FSIP2: variants seen among roughly 807,000 people sequenced by gnomAD.
The protein encoded by FSIP2 is fibrous sheath-interacting protein 2.
Under a neutral mutation model 510.5 loss-of-function variants are expected in FSIP2, and 367 were observed. The ratio of observed to expected loss-of-function variants is 0.72; its 90% confidence interval spans 0.66 to 0.78. The LOEUF (loss-of-function observed/expected upper bound fraction) is 0.78. Among genes scored for constraint, FSIP2 ranks in the 30% least tolerant of loss-of-function variants. FSIP2 has a pLI of 0.00. For missense variants in FSIP2, 7,594 were observed against 7,901.7 expected (o/e 0.96, Z 1.48); for synonymous variants, 2,601 against 2,732.2 (o/e 0.95, Z 1.50).
Position 185,796,505 on chromosome 2 carries a change from C to T in FSIP2, c.9369C>T (p.Gly3123=). The T allele has an allele frequency of 3.3e-6, 5 of 1,534,500 alleles. No homozygotes were observed. Among genetic ancestry groups the T allele is most frequent in the Non-Finnish European group, 4.4e-6 (5 of 1,145,748 alleles). ...ACATTGTAGCAAGTGAGATCATTGG[C>T]ACACTAATGGACCAGTGTACTTATT... ...KENIVASEII[G]TLMDQCTYFN... The change falls in exon 16 of 23, where the codon GGC becomes GGT. Residue 3123 remains glycine (G), a synonymous_variant. Transcript: ENST00000424728.
In FSIP2 at chr2:185,803,028, T is replaced by C. The variant is rs992361136; in HGVS notation, c.13722T>C (p.Asp4574=). The change falls in exon 17 of 23, where the codon GAT becomes GAC. Residue 4574 remains aspartate, a synonymous_variant. Transcript: ENST00000424728. ...CAAGCAGTAATGACATTCTTATAGA[T>C]AGAATAGCAGGTTTCATCATTAAAC... ...NITSSNDILI[D]RIAGFIIKHI... is the part of the protein sequence containing the mutation. The C allele has an allele frequency of 2.4e-5, 37 of 1,527,054 alleles. No homozygotes were observed. Among genetic ancestry groups the C allele is most frequent in the Non-Finnish European group, 2.9e-5 (33 of 1,143,112 alleles). 94.6% of individuals were successfully genotyped at this position (1,527,054 alleles called of 1,614,324 possible).
At chr2:185,743,606 G>T (rs1691968980) in intron 3 of FSIP2, among the ~76,000 whole-genome samples, 1 of 151,976 alleles carries the variant, frequency 6.6e-6, no homozygotes, top group South Asian at 2.1e-4. Context: ...TGTCTTTAAT[G>T]GCACTGTATA....
intron 9 of FSIP2, among the ~76,000 whole-genome samples, chr2:185,758,572 G>A (rs1183174135): frequency 6.6e-6 from 1 of 151,174 alleles, no homozygotes; most frequent in African/African-American, 2.4e-5. Flanking sequence ...ATGGATCATC[G>A]TTAAGGTCTT....
rs1343758055 is a variant in FSIP2 at position 185,813,994 on chromosome 2, G to A, written c.20277G>A (p.Thr6759=). The change falls in exon 18 of 23, where the codon ACG becomes ACA. Residue 6759 remains threonine (T), a synonymous_variant. Transcript: ENST00000424728. ...VAELDMATPK[T]MPETASSSWE... ...AGCTTGACATGGCCACACCAAAGAC[G>A]ATGCCTGAAACAGCCTCTTCATCTT... 4.3e-6 allele frequency: 7 copies of A among 1,613,290 alleles called. No homozygotes were observed. The highest frequency in any genetic ancestry group is 1.1e-5 in the South Asian group (1 of 91,028).
In FSIP2 at chr2:185,766,680, A is replaced by G. The variant is rs1409602573; in HGVS notation, c.1411+2115A>G. On this transcript the variant is annotated intron_variant, in intron 13 of 22. Coordinates refer to ENST00000424728, the MANE Select transcript of FSIP2 (RefSeq NM_173651.4). ...AAGTCAGGAAACAACAGGTGCTGGA[A>G]AGGATGTGGAGAAATAGGAACACTT... The G allele has an allele frequency of 2.8e-3, 424 of 150,872 alleles. 4 individuals are homozygous for G. Among genetic ancestry groups the G allele is most frequent in the Non-Finnish European group, 4.2e-3 (282 of 67,618 alleles). The allele number at this position is 150,872 out of a possible 1,614,324, so 9.3% of individuals were successfully genotyped here. A position where few individuals can be genotyped will look rare whatever the true frequency, so the allele number is the denominator to read the frequency against.
chr2:185,791,079 G>A lies in FSIP2; in HGVS notation c.3943G>A (p.Glu1315Lys), dbSNP rs796052180. Residue 1315 changes from glutamate (E) to lysine (K), a missense_variant, in exon 16 of 23, where the codon GAA becomes AAA. By Grantham distance (56) the Glu-to-Lys change is moderately conservative (BLOSUM62 1). Coordinates refer to ENST00000424728, the MANE Select transcript of FSIP2 (RefSeq NM_173651.4). ...CCAGAATGAACTGGAACTTCACAAGGAAAACCTAAATCTTAGGGAGATTGA... is the reference window on the plus strand; with the variant it reads ...CCAGAATGAACTGGAACTTCACAAGAAAAACCTAAATCTTAGGGAGATTGA... ...AIQNELELHKENLNLREIDHT... is the reference protein window; with the variant it reads ...AIQNELELHKKNLNLREIDHT... The A allele has an allele frequency of 1.1e-5, 17 of 1,531,692 alleles. No individual in the cohort carries two copies. The East Asian group carries it at 3.9e-4, about 35-fold the overall frequency. 94.9% of individuals were successfully genotyped at this position (1,531,692 alleles called of 1,614,324 possible). A position where few individuals can be genotyped will look rare whatever the true frequency, so the allele number is the denominator to read the frequency against.
chr2:185,758,938 T>TG (rs2105553105), intron 9 of FSIP2, among the ~76,000 whole-genome samples: 1 of 151,332 alleles, frequency 6.6e-6, no homozygotes, highest in East Asian at 1.9e-4. Flanking sequence ...TTGACTTGGT[T>TG]ATTCTAGAGC....
At chr2:185,827,922 C>T (rs10490393) in intron 20 of FSIP2, among the ~76,000 whole-genome samples, 4,964 of 151,878 alleles carry the variant, frequency 0.033, 290 homozygotes, top group African/African-American at 0.11. Flanking sequence ...TACATTTCAT[C>T]TGTCATAATT....
chr2:185,791,076 A>G lies in FSIP2; in HGVS notation c.3940A>G (p.Lys1314Glu). Residue 1314 changes from lysine (K) to glutamate (E), a missense_variant, in exon 16 of 23, where the codon AAG becomes GAG. By Grantham distance (56) the Lys-to-Glu change is moderately conservative. Coordinates refer to ENST00000424728, the MANE Select transcript of FSIP2 (RefSeq NM_173651.4). ...CAIQNELELH[K>E]ENLNLREIDH... ...TATCCAGAATGAACTGGAACTTCAC[A>G]AGGAAAACCTAAATCTTAGGGAGAT... is the stretch of plus-strand genomic sequence containing the variant. 6.5e-7 allele frequency: 1 copy of G among 1,531,990 alleles called. No individual in the cohort carries two copies. Among genetic ancestry groups the G allele is most frequent in the Non-Finnish European group, 8.7e-7 (1 of 1,144,736 alleles). 94.9% of individuals were successfully genotyped at this position (1,531,990 alleles called of 1,614,324 possible). A position where few individuals can be genotyped will look rare whatever the true frequency, so the allele number is the denominator to read the frequency against.
chr2:185,746,761 A>G lies in FSIP2; in HGVS notation c.710A>G (p.Gln237Arg), dbSNP rs1011604429. Reference sequence around the variant, plus strand: ...CTAATGGATAGAGAAGAAAGACGACAGCGGGAACACACAAGAAGAAAACTT... The same window carrying G: ...CTAATGGATAGAGAAGAAAGACGACGGCGGGAACACACAAGAAGAAAACTT... ...LFLMDREERR[Q>R]REHTRRKLTL... The change falls in exon 6 of 23, where the codon CAG (glutamine) becomes CGG (arginine). Residue 237 changes from glutamine (Q) to arginine (R), a missense_variant. Physicochemically the swap from Gln to Arg is conservative, Grantham distance 43 (BLOSUM62 1). Coordinates refer to ENST00000424728, the MANE Select transcript of FSIP2 (RefSeq NM_173651.4). 7 of 1,531,814 alleles carry G rather than the reference A, an allele frequency of 4.6e-6. No homozygotes were observed. In the Admixed American group the frequency reaches 1.4e-4, roughly 31 times the overall value. 94.9% of individuals were successfully genotyped at this position (1,531,814 alleles called of 1,614,324 possible). A position where few individuals can be genotyped will look rare whatever the true frequency, so the allele number is the denominator to read the frequency against.
In FSIP2 at chr2:185,805,507, G is replaced by T; in HGVS notation, c.16201G>T (p.Asp5401Tyr). 6.2e-7 allele frequency: 1 copy of T among 1,611,502 alleles called. No homozygotes were observed. The highest frequency in any genetic ancestry group is 8.5e-7 in the Non-Finnish European group (1 of 1,178,368). ...AFRIQPLFSG[D>Y]WSSTFFSFLN... Reference sequence around the variant, plus strand: ...CAGGATTCAACCACTTTTTTCAGGAGACTGGTCTTCCACCTTCTTTTCATT... The same window carrying T: ...CAGGATTCAACCACTTTTTTCAGGATACTGGTCTTCCACCTTCTTTTCATT... The change falls in exon 17 of 23, where the codon GAC (aspartate) becomes TAC (tyrosine). Residue 5401 changes from aspartate (D) to tyrosine (Y), a missense_variant. Asp to Tyr is a radical substitution (Grantham distance 160, BLOSUM62 -3). Transcript: ENST00000424728.
intron 16 of FSIP2, among the ~76,000 whole-genome samples, chr2:185,797,942 C>T (rs984703218): frequency 2.0e-5 from 3 of 151,898 alleles, no homozygotes; most frequent in Admixed American, 1.3e-4. Flanking sequence ...CCTTCTTTCT[C>T]GGCCCCTCAA....
chr2:185,831,872 A>G lies in FSIP2; in HGVS notation c.20577A>G (p.Glu6859=), dbSNP rs778957802. 2 of 1,594,650 alleles carry G rather than the reference A, an allele frequency of 1.3e-6. No individual in the cohort carries two copies. The highest frequency in any genetic ancestry group is 1.7e-6 in the Non-Finnish European group (2 of 1,163,226). The part of the protein sequence containing the change: ...DVLGSANPSK[E]VISETPKPDV... The stretch of plus-strand genomic sequence containing the variant: ...TTGGCAGTGCAAATCCCTCAAAGGA[A>G]GTCATTTCAGGTACAAAATGTACTA... Residue 6859 remains glutamate, a synonymous_variant, in exon 22 of 23, where the codon GAA becomes GAG. Transcript: ENST00000424728.
chr2:185,782,818 G>A (rs1692881977), intron 14 of FSIP2, 56 bp downstream of exon 14: 2 of 896,858 alleles, frequency 2.2e-6, no homozygotes, highest in Admixed American at 4.1e-5. Context: ...TTACATAAGA[G>A]TGCTGCTCAT....
At position 185,796,728 on chromosome 2, in the gene FSIP2, G is replaced by A. The variant is rs768810375; in HGVS notation, c.9592G>A (p.Glu3198Lys). 6.5e-7 allele frequency: 1 copy of A among 1,535,084 alleles called. No homozygotes were observed. The highest frequency in any genetic ancestry group is 1.2e-5 in the South Asian group (1 of 84,028). ...GTTTTGTTCAGATGAAGATATGAAA[G>A]AAAAGTACAGGGTTTCATCAGATTT... ...FVFCSDEDMK[E>K]KYRVSSDLPT... Residue 3198 changes from glutamate to lysine, a missense_variant, in exon 16 of 23, where the codon GAA becomes AAA. Physicochemically the swap from Glu to Lys is moderately conservative, Grantham distance 56. Coordinates refer to ENST00000424728, the MANE Select transcript of FSIP2 (RefSeq NM_173651.4).
At chr2:185,779,068 G>A (rs899729247) in intron 13 of FSIP2, among the ~76,000 whole-genome samples, 2 of 151,828 alleles carry the variant, frequency 1.3e-5, no homozygotes, top group Non-Finnish European at 2.9e-5. Context: ...TAATCTTAGT[G>A]TTATTTGTTT....
rs1198456582 is a variant in FSIP2 at position 185,802,973 on chromosome 2, G to T, written c.13667G>T (p.Gly4556Val). The change falls in exon 17 of 23, where the codon GGT (glycine) becomes GTT (valine). Residue 4556 changes from glycine to valine, a missense_variant. Gly to Val is a moderately radical substitution (Grantham distance 109, BLOSUM62 -3). Coordinates refer to ENST00000424728, the MANE Select transcript of FSIP2 (RefSeq NM_173651.4). Reference protein sequence around the residue: ...SVFANVVQTSGSQESAVQNIT... With the variant: ...SVFANVVQTSVSQESAVQNIT... ...TTTGCAAATGTTGTGCAAACCTCTG[G>T]TTCTCAAGAATCAGCTGTGCAAAAT... The T allele has an allele frequency of 6.5e-7, 1 of 1,530,238 alleles. No individual in the cohort carries two copies. Among genetic ancestry groups the T allele is most frequent in the African/African-American group, 1.4e-5 (1 of 72,778 alleles). The allele number at this position is 1,530,238 out of a possible 1,614,324, so 94.8% of individuals were successfully genotyped here. A position where few individuals can be genotyped will look rare whatever the true frequency, so the allele number is the denominator to read the frequency against.
Position 185,809,063 on chromosome 2 carries a change from T to C in FSIP2, c.19757T>C (p.Leu6586Ser), listed in dbSNP as rs758985632. The change falls in exon 17 of 23, where the codon TTA becomes TCA. Residue 6586 changes from leucine to serine, a missense_variant. Coordinates refer to ENST00000424728, the MANE Select transcript of FSIP2 (RefSeq NM_173651.4). ...GRNYSLGSPD[L>S]EKRKTERRTS... ...AATTACTCCTTAGGATCACCTGATTTAGAAAAGAGAAAGACAGAAAGACGT... is the reference window on the plus strand; with the variant it reads ...AATTACTCCTTAGGATCACCTGATTCAGAAAAGAGAAAGACAGAAAGACGT... 6.2e-7 allele frequency: 1 copy of C among 1,606,472 alleles called. No homozygotes were observed. The highest frequency in any genetic ancestry group is 8.5e-7 in the Non-Finnish European group (1 of 1,177,700).
At chr2:185,755,197 C>T (rs992790786) in intron 8 of FSIP2, among the ~76,000 whole-genome samples, 1 of 151,560 alleles carries the variant, frequency 6.6e-6, no homozygotes, top group African/African-American at 2.4e-5. Flanking sequence ...TTTTAATTCA[C>T]TTATTACATA....
Sources: allele counts gnomAD v4.1 joint callset (sites outside exome capture counted in the v4.1 genomes callset), GRCh38; gene constraint gnomAD v4.1.1; transcripts MANE v1.5; gene names NCBI Gene and HGNC (gene_info 2026-07-23, HGNC 2026-07-21).